The following MLXIP variants were observed in gnomAD, a reference collection of about 807,000 sequenced individuals.
MLXIP encodes MLX-interacting protein.
A neutral mutation model predicts 87.2 loss-of-function variants in MLXIP; 30 were observed. The observed-to-expected ratio is 0.34, with a 90% confidence interval of 0.26 to 0.47. The LOEUF is 0.47. MLXIP is among the 20% of genes least tolerant of loss of function. MLXIP has a pLI of 1.00. For missense variants in MLXIP, 1,002 were observed against 1,240.1 expected (o/e 0.81, Z 2.88); for synonymous variants, 530 against 514.0 (o/e 1.03, Z -0.42).
chr12:122,084,539 C>T (rs1423637660), intron 1 of MLXIP, among the ~76,000 whole-genome samples: 1 of 152,134 alleles, frequency 6.6e-6, no homozygotes, highest in Non-Finnish European at 1.5e-5. Context: ...CATTCTCCTT[C>T]CATGACCTTT....
intron 1 of MLXIP, among the ~76,000 whole-genome samples, chr12:122,097,612 C>CT (rs1309909508): frequency 2.1e-5 from 2 of 97,172 alleles, no homozygotes; most frequent in Non-Finnish European, 4.0e-5. Context: ...GACCCTGCCT[C>CT]TAAAAAAAAA....
Position 122,129,643 on chromosome 12 carries a change from G to A in MLXIP, c.738+14G>A. ...AGCCTGGTCCAGGTGGGTGAGCCTG[G>A]GAGCTCTGAGGACCCCCACTTTGAC... On this transcript the variant is annotated intron_variant, in intron 5 of 16. Transcript: ENST00000319080. The A allele has an allele frequency of 1.3e-6, 2 of 1,581,960 alleles. No individual in the cohort carries two copies. Among genetic ancestry groups the A allele is most frequent in the East Asian group, 4.5e-5 (2 of 44,022 alleles).
At chr12:122,106,595 C>CTTTTTT (rs1162475087) in intron 1 of MLXIP, among the ~76,000 whole-genome samples, 9 of 62,882 alleles carry the variant, frequency 1.4e-4, no homozygotes, top group African/African-American at 1.8e-4. Context: ...ATCGCAGGTT[C>CTTTTTT]TTTTTTTTTT....
At chr12:122,124,663 G>T (rs1267697562) in intron 1 of MLXIP, among the ~76,000 whole-genome samples, 3 of 151,420 alleles carry the variant, frequency 2.0e-5, no homozygotes, top group Non-Finnish European at 4.4e-5. Context: ...CAGGGCGGGG[G>T]TTGTTAAAAA....
intron 1 of MLXIP, among the ~76,000 whole-genome samples, chr12:122,095,001 C>G (rs1298364903): frequency 7.6e-6 from 1 of 131,284 alleles, no homozygotes; most frequent in South Asian, 2.4e-4. Context: ...TGTGCGGTGT[C>G]TGTGTGGTGT....
chr12:122,079,792 C>T (rs1952065117), intron 1 of MLXIP, among the ~76,000 whole-genome samples: 1 of 152,226 alleles, frequency 6.6e-6, no homozygotes, highest in Non-Finnish European at 1.5e-5. Flanking sequence ...AGGTAAATTG[C>T]TTATTCCAGT....
intron 1 of MLXIP, among the ~76,000 whole-genome samples, chr12:122,118,053 T>A (rs902979591): frequency 9.8e-5 from 15 of 152,290 alleles, no homozygotes; most frequent in Admixed American, 2.6e-4. Flanking sequence ...GTGGCCATTA[T>A]TAAGTAAAAT....
At chr12:122,108,641 T>C (rs1466603083) in intron 1 of MLXIP, among the ~76,000 whole-genome samples, 1 of 151,976 alleles carries the variant, frequency 6.6e-6, no homozygotes, top group Non-Finnish European at 1.5e-5. Flanking sequence ...AGACACAAAA[T>C]CTCCTTCCCA....
chr12:122,105,288 G>A (rs1375560506), intron 1 of MLXIP, among the ~76,000 whole-genome samples: 3 of 151,768 alleles, frequency 2.0e-5, no homozygotes, highest in Non-Finnish European at 4.4e-5. Flanking sequence ...GCCTCTCTCA[G>A]TTTGACACTT....
Position 122,134,013 on chromosome 12 carries a change from C to T in MLXIP, c.1732+26C>T, listed in dbSNP as rs578054995. On this transcript the variant is annotated intron_variant, in intron 9 of 16. Coordinates refer to ENST00000319080, the MANE Select transcript of MLXIP (RefSeq NM_014938.6). ...GTGAGCCAGGCGGGGAGACTCAGTG[C>T]GGGGCTCCCCCCGACCCAGAGGGAT... is the stretch of plus-strand genomic sequence containing the variant. The T allele has an allele frequency of 1.9e-4, 304 of 1,569,686 alleles. 3 individuals carry two copies. The South Asian group carries it at 2.2e-3, about 11-fold the overall frequency.
At chr12:122,094,321 TGGTG>T (rs1485249561) in intron 1 of MLXIP, among the ~76,000 whole-genome samples, 5 of 131,418 alleles carry the variant, frequency 3.8e-5, no homozygotes, top group African/African-American at 1.5e-4. Context: ...TGTGGTGTGT[TGGTG>T]TGTGTGTGGT....
intron 1 of MLXIP, among the ~76,000 whole-genome samples, chr12:122,114,253 T>C (rs1485211373): frequency 6.6e-6 from 1 of 152,170 alleles, no homozygotes; most frequent in Non-Finnish European, 1.5e-5. Flanking sequence ...CCCAAAGTGC[T>C]GGGATTACAG....
chr12:122,101,650 G>A lies in MLXIP; in HGVS notation c.413+22384G>A, dbSNP rs1294529934. On this transcript the variant is annotated intron_variant, in intron 1 of 16. Transcript: ENST00000319080. ...GGCTGGAGTGCAGTGGCGGGATCTC[G>A]GCTCACTGCAAGCTCCGCCTCCCAG... Among the ~76,000 whole-genome samples the A allele has an allele frequency of 1.5e-4, 21 of 142,432 alleles. No homozygotes were observed. In the East Asian group the frequency reaches 1.8e-3, roughly 12 times the overall value. The allele number at this position is 142,432 out of a possible 152,430, so 93.4% of individuals were successfully genotyped here.
intron 1 of MLXIP, among the ~76,000 whole-genome samples, chr12:122,104,293 G>GCCCTTCCCTCGCC (rs2135931576): frequency 6.6e-6 from 1 of 152,222 alleles, no homozygotes; most frequent in South Asian, 2.1e-4. Flanking sequence ...GTTCCCTCGC[G>GCCCTTCCCTCGCC]CCCTTCCCAG....
intron 11 of MLXIP, chr12:122,136,430 T>C (rs1953091606): frequency 7.9e-6 from 1 of 125,934 alleles, no homozygotes; most frequent in Admixed American, 9.9e-5. Context: ...CCAGCCAACA[T>C]GGTGAAACCT....
At chr12:122,141,142 C>A in intron 16 of MLXIP, 59 bp downstream of exon 16, 1 of 1,548,288 alleles carries the variant, frequency 6.5e-7, no homozygotes, top group South Asian at 1.2e-5. Flanking sequence ...GAGGACAGCC[C>A]CAGGCTGAGG....
rs1252443786 is a variant in MLXIP at position 122,147,155 on chromosome 12, C to G, written c.*5343C>G. 6.6e-6 allele frequency: 1 copy of G among 152,124 alleles called. No individual in the cohort carries two copies. The highest frequency in any genetic ancestry group is 1.5e-5 in the Non-Finnish European group (1 of 68,036). 9.4% of individuals were successfully genotyped at this position (152,124 alleles called of 1,614,324 possible). ...TGAAGAGATGGTTCCACCTCGTGGTCTGAAGAACAAACCAGAGAAGAGTCT... is the reference window on the plus strand; with the variant it reads ...TGAAGAGATGGTTCCACCTCGTGGTGTGAAGAACAAACCAGAGAAGAGTCT... On this transcript the variant is annotated 3_prime_UTR_variant, in exon 17 of 17. Transcript: ENST00000319080.
rs1953143203 is a variant in MLXIP at position 122,138,833 on chromosome 12, C to T, written c.2403C>T (p.Leu801=). Residue 801 remains leucine, a synonymous_variant, in exon 15 of 17, where the codon CTC becomes CTT. Coordinates refer to ENST00000319080, the MANE Select transcript of MLXIP (RefSeq NM_014938.6). The stretch of plus-strand genomic sequence containing the variant: ...ATTTCAGCTCCTGCCAGCAGCTGCT[C>T]CCTGCCACGGGAGTCCCCGTTACCC... The part of the protein sequence containing the change: ...NATIISCQQL[L]PATGVPVTRR... The T allele has an allele frequency of 1.2e-6, 2 of 1,613,728 alleles. No homozygotes were observed. Among genetic ancestry groups the T allele is most frequent in the African/African-American group, 2.7e-5 (2 of 74,934 alleles).
chr12:122,122,036 G>T (rs550897943), intron 1 of MLXIP, among the ~76,000 whole-genome samples: 2 of 126,482 alleles, frequency 1.6e-5, no homozygotes, highest in African/African-American at 6.5e-5. Context: ...TAGCGAATGG[G>T]TGAGTGCAGT....
Sources: gnomAD v4.1 joint callset for allele counts (sites outside exome capture counted in the v4.1 genomes callset) on GRCh38, gnomAD v4.1.1 for gene constraint, MANE v1.5 for transcripts, NCBI Gene and HGNC (gene_info 2026-07-23, HGNC 2026-07-21) for gene names.